The following FKBP11 variants were observed in gnomAD, a reference collection of about 807,000 sequenced individuals.
FKBP11 encodes peptidyl-prolyl cis-trans isomerase FKBP11.
Under a neutral mutation model 24.7 loss-of-function variants are expected in FKBP11, and 21 were observed. The observed-to-expected ratio is 0.85, with a 90% CI of 0.60 to 1.23. The LOEUF is 1.23. FKBP11 is among the 50% of genes most tolerant of loss of function. The probability of loss-of-function intolerance (pLI) is 0.00; values close to 1 mark genes in which losing one functional copy is unlikely to be tolerated. For synonymous variants in FKBP11, 106 were observed against 100.6 expected (o/e 1.05, Z -0.32); for missense variants, 245 against 248.7 (o/e 0.99, Z 0.10).
intron 5 of FKBP11, 51 bp downstream of exon 5, chr12:48,923,731 C>T: frequency 6.3e-7 from 1 of 1,595,262 alleles, no homozygotes; most frequent in Non-Finnish European, 8.6e-7. Context: ...CCTTATAGCT[C>T]TTAGGGACTG....
chr12:48,925,828 C>G (rs1939952964), upstream of FKBP11: 1 of 190,160 alleles, frequency 5.3e-6, no homozygotes, highest in South Asian at 1.2e-4. Context: ...AGGATGTGCC[C>G]AAGGTCATCA....
chr12:48,933,513 C>A, the FKBP11 span, among the ~76,000 whole-genome samples: 2 of 152,082 alleles, frequency 1.3e-5, no homozygotes, highest in Non-Finnish European at 2.9e-5. Flanking sequence ...ACCAGCCTGG[C>A]CAACATGGTG....
At chr12:48,924,522 G>C (rs1420075518) in intron 3 of FKBP11, 39 bp downstream of exon 3, 2 of 1,572,304 alleles carry the variant, frequency 1.3e-6, no homozygotes, top group South Asian at 1.1e-5. Flanking sequence ...AAAGGGCTTA[G>C]GTTGGGAAGA....
chr12:48,922,127 C>T lies in FKBP11; in HGVS notation c.463G>A (p.Gly155Ser). The T allele has an allele frequency of 1.2e-6, 2 of 1,614,162 alleles. No homozygotes were observed. Among genetic ancestry groups the T allele is most frequent in the South Asian group, 1.1e-5 (1 of 91,078 alleles). The change falls in exon 6 of 6, where the codon GGC (glycine) becomes AGC (serine). Residue 155 changes from glycine to serine, a missense_variant. Physicochemically the swap from Gly to Ser is moderately conservative, Grantham distance 56. Transcript: ENST00000550765. ...GCCATCCCTACCAGAGGCAAAATGC[C>T]CTTCACCAGCTTTAGCCAGTAGTTG... ...RANYWLKLVK[G>S]ILPLVGMAMV...
chr12:48,932,227 TTATATATATATATA>T, the FKBP11 span, among the ~76,000 whole-genome samples: 10 of 37,742 alleles, frequency 2.6e-4, no homozygotes, highest in African/African-American at 7.4e-4. Context: ...AAACATATAT[TTATATATATATATA>T]TATATATATA....
Position 48,925,487 on chromosome 12 carries a change from C to T in FKBP11, c.-59G>A, listed in dbSNP as rs2272312. ...GACAGGCTGTTCGGGTGGCGGCAGC[C>T]AGGACAGCGTTCCCGCGGCGCCCAG... On this transcript the variant is annotated 5_prime_UTR_variant, in exon 1 of 6. Transcript: ENST00000550765. 560,458 of 1,517,152 alleles carry T rather than the reference C, an allele frequency of 0.37. 107,569 individuals are homozygous for T. The highest frequency in any genetic ancestry group is 0.51 in the Admixed American group (25,670 of 49,994). 94.0% of individuals were successfully genotyped at this position (1,517,152 alleles called of 1,614,324 possible). A position where few individuals can be genotyped will look rare whatever the true frequency, so the allele number is the denominator to read the frequency against.
the FKBP11 span, chr12:48,935,817 TGAG>T: frequency 6.6e-6 from 1 of 152,200 alleles, no homozygotes; most frequent in Non-Finnish European, 1.5e-5. Context: ...TGTGCAAGGC[TGAG>T]GAGATCTGAG....
chr12:48,931,691 A>C, the FKBP11 span: 1 of 537,140 alleles, frequency 1.9e-6, no homozygotes. Flanking sequence ...TTGATTAAAG[A>C]CAATGGTGTT....
At chr12:48,923,182 T>C (rs1939875354) in intron 5 of FKBP11, 1 of 1,199,728 alleles carries the variant, frequency 8.3e-7, no homozygotes, top group Non-Finnish European at 1.0e-6. Context: ...CCCAATACTC[T>C]GTGGAGTACA....
At chr12:48,924,187 G>T in intron 4 of FKBP11, 36 bp downstream of exon 4, 5 of 1,612,080 alleles carry the variant, frequency 3.1e-6, no homozygotes, top group Non-Finnish European at 4.2e-6. Context: ...CCCATGCAAA[G>T]GGGGTACCCA....
At chr12:48,926,784 C>G (rs1202564854), upstream of FKBP11, among the ~76,000 whole-genome samples, 1 of 151,908 alleles carries the variant, frequency 6.6e-6, no homozygotes, top group African/African-American at 2.4e-5. Context: ...TGAGCCACCA[C>G]GCCCAGCCCA....
rs2137559355 is a variant in FKBP11, at chr12:48,925,483, C to T, written c.-55G>A. The T allele has an allele frequency of 2.6e-6, 4 of 1,520,080 alleles. No individual in the cohort carries two copies. The South Asian group carries it at 3.7e-5, about 14-fold the overall frequency. 94.2% of individuals were successfully genotyped at this position (1,520,080 alleles called of 1,614,324 possible). On this transcript the variant is annotated 5_prime_UTR_variant, in exon 1 of 6. Coordinates refer to ENST00000550765, the MANE Select transcript of FKBP11 (RefSeq NM_016594.3). Reference sequence around the variant, plus strand: ...CCAGGACAGGCTGTTCGGGTGGCGGCAGCCAGGACAGCGTTCCCGCGGCGC... The same window carrying T: ...CCAGGACAGGCTGTTCGGGTGGCGGTAGCCAGGACAGCGTTCCCGCGGCGC...
the FKBP11 span, among the ~76,000 whole-genome samples, chr12:48,932,249 ATATATATATATATTTTTTTTTTTTTTTT>A: frequency 1.9e-3 from 69 of 36,912 alleles, 1 homozygote; most frequent in African/African-American, 6.7e-3. Context: ...ATATATATAT[ATATATATATATATTTTTTTTTTTTTTTT>A]TTTTTTTTTT....
chr12:48,928,043 CT>C (rs34076093), upstream of FKBP11, among the ~76,000 whole-genome samples: 23,579 of 87,602 alleles, frequency 0.27, 1,658 homozygotes, highest in East Asian at 0.4. Context: ...TGCCAGATAC[CT>C]TTTTTTTTTT....
intron 4 of FKBP11, 133 bp from the exon 5 acceptor site, chr12:48,923,985 A>T: frequency 8.1e-6 from 8 of 987,880 alleles, no homozygotes; most frequent in Non-Finnish European, 1.3e-5. Context: ...CTGAACACCA[A>T]ACAGGCTGGC....
At chr12:48,931,228 G>A (rs1188659299), upstream of FKBP11, among the ~76,000 whole-genome samples, 3 of 149,128 alleles carry the variant, frequency 2.0e-5, no homozygotes, top group Non-Finnish European at 4.4e-5. Flanking sequence ...CTAAGCAAAA[G>A]GATGACACAG....
rs1565700410 is a variant in FKBP11 at position 48,924,204 on chromosome 12, C to A, written c.317+19G>T. Reference sequence around the variant, plus strand: ...CATGCAAAGGGGGTACCCAGGCCCACCCCTGCCGAGATACTCACCCCACAC... The same window carrying A: ...CATGCAAAGGGGGTACCCAGGCCCAACCCTGCCGAGATACTCACCCCACAC... On this transcript the variant is annotated intron_variant, in intron 4 of 5. Coordinates refer to ENST00000550765, the MANE Select transcript of FKBP11 (RefSeq NM_016594.3). 1.2e-6 allele frequency: 2 copies of A among 1,614,132 alleles called. No homozygotes were observed. Among genetic ancestry groups the A allele is most frequent in the Non-Finnish European group, 8.5e-7 (1 of 1,179,996 alleles).
rs1939932330 is a variant in FKBP11, at chr12:48,925,125, A to G, written c.130-14T>C. On this transcript the variant is annotated splice_polypyrimidine_tract_variant and intron_variant, in intron 1 of 5. Coordinates refer to ENST00000550765, the MANE Select transcript of FKBP11 (RefSeq NM_016594.3). ...TGGGGGCTCCACCTACGATCGGACTACAGGGGTCACGGATGCTCTTCCAAA... is the reference window on the plus strand; with the variant it reads ...TGGGGGCTCCACCTACGATCGGACTGCAGGGGTCACGGATGCTCTTCCAAA... 5.6e-6 allele frequency: 9 copies of G among 1,612,790 alleles called. No individual in the cohort carries two copies. The highest frequency in any genetic ancestry group is 6.8e-6 in the Non-Finnish European group (8 of 1,179,474).
chr12:48,933,512 G>A, the FKBP11 span, among the ~76,000 whole-genome samples: 1 of 152,104 alleles, frequency 6.6e-6, no homozygotes, highest in African/African-American at 2.4e-5. Context: ...GACCAGCCTG[G>A]CCAACATGGT....
Sources: gnomAD v4.1 joint callset for allele counts (sites outside exome capture counted in the v4.1 genomes callset) on GRCh38, gnomAD v4.1.1 for gene constraint, MANE v1.5 for transcripts, NCBI Gene and HGNC (gene_info 2026-07-23, HGNC 2026-07-21) for gene names.